Variants in DMD observed in about 807,000 individuals in gnomAD.
DMD encodes dystrophin, also known as mutant dystrophin.
A neutral mutation model predicts 330.1 loss-of-function variants in DMD; 63 were observed. That is an observed-to-expected ratio of 0.19 (90% CI 0.16 to 0.24). The LOEUF (loss-of-function observed/expected upper bound fraction) is 0.24, where lower values mean the gene tolerates loss of function less well. Among genes scored for constraint, DMD ranks in the 10% least tolerant of loss-of-function variants. The pLI is 1.00. For missense variants in DMD, 3,344 were observed against 2,684.1 expected (o/e 1.25, Z -5.43); for synonymous variants, 1,223 against 959.8 (o/e 1.27, Z -5.07).
At chrX:32,401,254 C>T (rs984464627) in intron 30 of DMD, among the ~76,000 whole-genome samples, 9 of 108,436 alleles carry the variant, frequency 8.3e-5, no homozygotes, top group Non-Finnish European at 1.3e-4. Flanking sequence ...GTGGGTGCAG[C>T]GCACCAGCAT....
At chrX:31,641,171 T>C (rs2079715188) in intron 54 of DMD, among the ~76,000 whole-genome samples, 1 of 110,515 alleles carries the variant, frequency 9.0e-6, no homozygotes. Flanking sequence ...CTAACAGTAA[T>C]AGAGAAATAC....
chrX:31,501,118 T>C (rs888970430), intron 56 of DMD, among the ~76,000 whole-genome samples: 2 of 112,193 alleles, frequency 1.8e-5, no homozygotes, highest in Admixed American at 9.4e-5. Context: ...CTCATGTCCA[T>C]ATAAGGCAAA....
intron 47 of DMD, among the ~76,000 whole-genome samples, chrX:31,888,715 T>G (rs1019962069): frequency 8.9e-6 from 1 of 112,060 alleles, no homozygotes; most frequent in African/African-American, 3.2e-5. Flanking sequence ...ATTTATTTTC[T>G]TTCCCTCTGG....
chrX:32,688,660 G>A (rs1368539521), intron 9 of DMD, among the ~76,000 whole-genome samples: 3 of 111,294 alleles, frequency 2.7e-5, no homozygotes, highest in African/African-American at 9.8e-5. Flanking sequence ...TTTTAGAGAT[G>A]AGAAAACTGA....
At chrX:31,825,662 G>A (rs1281578243) in intron 49 of DMD, among the ~76,000 whole-genome samples, 4 of 111,736 alleles carry the variant, frequency 3.6e-5, no homozygotes, top group Non-Finnish European at 7.5e-5. Flanking sequence ...TGAAGAAAGG[G>A]TGCTTTGAAT....
At chrX:31,344,408 C>T (rs896572832) in intron 61 of DMD, among the ~76,000 whole-genome samples, 1 of 111,401 alleles carries the variant, frequency 9.0e-6, no homozygotes, top group Non-Finnish European at 1.9e-5. Context: ...AAATTTGGTA[C>T]AGCCACAGAA....
chrX:31,474,096 C>T (rs966954800), intron 59 of DMD, among the ~76,000 whole-genome samples: 1 of 111,861 alleles, frequency 8.9e-6, no homozygotes, highest in African/African-American at 3.3e-5. Flanking sequence ...GGCTGAGATT[C>T]TCTTAGTGAG....
At chrX:31,438,764 A>G (rs192713519) in intron 60 of DMD, among the ~76,000 whole-genome samples, 4 of 111,393 alleles carry the variant, frequency 3.6e-5, no homozygotes, top group African/African-American at 1.3e-4. Flanking sequence ...TTAGTACAGG[A>G]TCATTAAAAA....
At chrX:31,509,466 A>C (rs753559268) in intron 55 of DMD, among the ~76,000 whole-genome samples, 34 of 104,778 alleles carry the variant, frequency 3.2e-4, no homozygotes, top group African/African-American at 1.2e-3. Flanking sequence ...TAGGGGATTA[A>C]AGACAAACTT....
intron 61 of DMD, among the ~76,000 whole-genome samples, chrX:31,329,151 G>T (rs1273438376): frequency 8.9e-6 from 1 of 112,333 alleles, no homozygotes; most frequent in Non-Finnish European, 1.9e-5. Flanking sequence ...TGGCAATCAT[G>T]AATAAAGCTG....
intron 44 of DMD, among the ~76,000 whole-genome samples, chrX:32,190,223 G>C (rs1247159030): frequency 4.5e-5 from 5 of 110,703 alleles, no homozygotes; most frequent in Non-Finnish European, 9.5e-5. Context: ...GTCAGAGATT[G>C]AGAAACATTG....
intron 1 of DMD, among the ~76,000 whole-genome samples, chrX:33,053,322 G>C (rs773945724): frequency 7.9e-4 from 88 of 111,399 alleles, no homozygotes; most frequent in African/African-American, 2.8e-3. Context: ...TGGGCCGGGC[G>C]CGGTGGCTCA....
chrX:33,212,375 T>C (rs1357871286), upstream of DMD, among the ~76,000 whole-genome samples: 1 of 112,275 alleles, frequency 8.9e-6, no homozygotes, highest in Non-Finnish European at 1.9e-5. Context: ...TCATTCAGCA[T>C]GTAAATCATT....
intron 62 of DMD, among the ~76,000 whole-genome samples, chrX:31,273,703 C>T (rs1265012508): frequency 4.5e-5 from 5 of 110,000 alleles, no homozygotes; most frequent in Non-Finnish European, 9.5e-5. Flanking sequence ...TGAATATCTA[C>T]AAGAATCACG....
At chrX:32,856,444 G>A (rs1019666723) in intron 2 of DMD, among the ~76,000 whole-genome samples, 7 of 111,081 alleles carry the variant, frequency 6.3e-5, no homozygotes, top group Non-Finnish European at 7.5e-5. Context: ...TAAAGAAAAT[G>A]TGGTACATAT....
At chrX:33,097,845 A>G (rs1473609962) in intron 1 of DMD, among the ~76,000 whole-genome samples, 1 of 109,535 alleles carries the variant, frequency 9.1e-6, no homozygotes, top group Admixed American at 9.8e-5. Context: ...CAAACTCCTG[A>G]CCTCAGGTAA....
At chrX:32,018,516 T>C (rs1306394630) in intron 44 of DMD, among the ~76,000 whole-genome samples, 1 of 111,563 alleles carries the variant, frequency 9.0e-6, no homozygotes, top group East Asian at 2.8e-4. Context: ...GACTCTGACA[T>C]ACCACTACTC....
At chrX:32,740,241 A>G (rs1486381915) in intron 7 of DMD, among the ~76,000 whole-genome samples, 1 of 110,455 alleles carries the variant, frequency 9.1e-6, no homozygotes, top group African/African-American at 3.3e-5. Context: ...CTATAGTGAC[A>G]TGAAGTTTGG....
intron 1 of DMD, among the ~76,000 whole-genome samples, chrX:33,201,724 T>C (rs1328694292): frequency 8.9e-6 from 1 of 112,520 alleles, no homozygotes; most frequent in Non-Finnish European, 1.9e-5. Context: ...CTATTCAGAA[T>C]AGTATGGCAC....
Sources: gnomAD v4.1 joint callset for allele counts (sites outside exome capture counted in the v4.1 genomes callset) on GRCh38, gnomAD v4.1.1 for gene constraint, MANE v1.5 for transcripts, NCBI Gene and HGNC (gene_info 2026-07-23, HGNC 2026-07-21) for gene names.